The following GRXCR1 variants were observed in gnomAD, a reference collection of about 807,000 sequenced individuals.
GRXCR1 encodes the protein glutaredoxin and cysteine rich domain containing 1.
GRXCR1 carries 27 observed loss-of-function variants against 27.3 expected under a neutral mutation model. That is an observed-to-expected ratio of 0.99 (90% CI 0.73 to 1.37). The LOEUF (loss-of-function observed/expected upper bound fraction) is 1.37, where lower values mean the gene tolerates loss of function less well. GRXCR1 is among the 40% of genes most tolerant of loss of function. The probability of loss-of-function intolerance (pLI) is 0.00; values close to 1 mark genes in which losing one functional copy is unlikely to be tolerated. For synonymous variants in GRXCR1, 122 were observed against 131.1 expected (o/e 0.93, Z 0.47); for missense variants, 379 against 354.4 (o/e 1.07, Z -0.56).
At chr4:43,019,315 A>C (rs1459893010) in intron 2 of GRXCR1, among the ~76,000 whole-genome samples, 1 of 152,230 alleles carries the variant, frequency 6.6e-6, no homozygotes, top group African/African-American at 2.4e-5. Context: ...AAATGTATAT[A>C]GTAACCTCCA....
At chr4:42,920,874 A>G (rs1390403245) in intron 1 of GRXCR1, among the ~76,000 whole-genome samples, 1 of 151,992 alleles carries the variant, frequency 6.6e-6, no homozygotes, top group Non-Finnish European at 1.5e-5. Context: ...TAGTAAGTAG[A>G]GTCCAGTACA....
chr4:42,934,401 C>CCA (rs146711554), intron 1 of GRXCR1, among the ~76,000 whole-genome samples: 4 of 151,306 alleles, frequency 2.6e-5, no homozygotes, highest in Non-Finnish European at 3.0e-5. Context: ...TGCCTCTGCA[C>CCA]CACACACACA....
intron 2 of GRXCR1, among the ~76,000 whole-genome samples, chr4:42,980,786 AAT>A (rs1748644703): frequency 6.6e-6 from 1 of 152,078 alleles, no homozygotes; most frequent in African/African-American, 2.4e-5. Flanking sequence ...CAAATCTATT[AAT>A]ATTTGCTTAT....
At chr4:42,984,413 C>T (rs931166369) in intron 2 of GRXCR1, among the ~76,000 whole-genome samples, 1 of 152,168 alleles carries the variant, frequency 6.6e-6, no homozygotes, top group Non-Finnish European at 1.5e-5. Flanking sequence ...GTCACTGGCA[C>T]TTTATTTTGT....
At chr4:42,991,116 G>A (rs1015992233) in intron 2 of GRXCR1, among the ~76,000 whole-genome samples, 1 of 152,010 alleles carries the variant, frequency 6.6e-6, no homozygotes, top group African/African-American at 2.4e-5. Context: ...CGTTGTAAAT[G>A]AATACTCAGA....
chr4:42,912,341 G>C (rs1487594921), intron 1 of GRXCR1, among the ~76,000 whole-genome samples: 1 of 152,100 alleles, frequency 6.6e-6, no homozygotes, highest in Non-Finnish European at 1.5e-5. Flanking sequence ...AGGACCTGAA[G>C]ATAATCAGGT....
chr4:43,023,563 A>G (rs573423584), intron 3 of GRXCR1, among the ~76,000 whole-genome samples: 1 of 152,354 alleles, frequency 6.6e-6, no homozygotes, highest in Admixed American at 6.5e-5. Flanking sequence ...GATAGCTTCT[A>G]TGGAGATCTG....
intron 2 of GRXCR1, among the ~76,000 whole-genome samples, chr4:42,987,246 A>T (rs1711787425): frequency 2.3e-5 from 2 of 86,520 alleles, no homozygotes; most frequent in African/African-American, 9.3e-5. Flanking sequence ...TATATAATAT[A>T]TAATATATAT....
At chr4:42,985,991 T>A (rs550602554) in intron 2 of GRXCR1, among the ~76,000 whole-genome samples, 1 of 152,332 alleles carries the variant, frequency 6.6e-6, no homozygotes, top group Non-Finnish European at 1.5e-5. Context: ...TATATATGAT[T>A]ACAACTGAGC....
At chr4:42,913,499 T>G (rs1300283778) in intron 1 of GRXCR1, among the ~76,000 whole-genome samples, 1 of 152,238 alleles carries the variant, frequency 6.6e-6, no homozygotes, top group Non-Finnish European at 1.5e-5. Flanking sequence ...AGAGAAATGA[T>G]TTAGATTTAG....
At chr4:42,969,561 A>G (rs1748333455) in intron 2 of GRXCR1, among the ~76,000 whole-genome samples, 1 of 152,066 alleles carries the variant, frequency 6.6e-6, no homozygotes, top group South Asian at 2.1e-4. Flanking sequence ...CGGGAGAGAG[A>G]GGGATCGAGA....
intron 2 of GRXCR1, among the ~76,000 whole-genome samples, chr4:42,973,606 T>C (rs1401429786): frequency 6.6e-6 from 1 of 152,164 alleles, no homozygotes; most frequent in Admixed American, 6.6e-5. Flanking sequence ...TCCACCTACT[T>C]TCTCTTGCCT....
At chr4:43,008,443 C>A (rs961425364) in intron 2 of GRXCR1, among the ~76,000 whole-genome samples, 1 of 152,166 alleles carries the variant, frequency 6.6e-6, no homozygotes, top group African/African-American at 2.4e-5. Context: ...GTGGCACAAG[C>A]AAAATCCTGG....
intron 1 of GRXCR1, among the ~76,000 whole-genome samples, chr4:42,955,733 G>A (rs1426209727): frequency 6.6e-6 from 1 of 152,092 alleles, no homozygotes; most frequent in Non-Finnish European, 1.5e-5. Context: ...AATTGCTTAA[G>A]GTCTGAATTC....
At chr4:42,996,575 C>A (rs1265298952) in intron 2 of GRXCR1, among the ~76,000 whole-genome samples, 1 of 151,824 alleles carries the variant, frequency 6.6e-6, no homozygotes, top group Non-Finnish European at 1.5e-5. Flanking sequence ...TTATGTAATT[C>A]TAGTAAAACA....
At chr4:42,951,247 G>A (rs1166139020) in intron 1 of GRXCR1, among the ~76,000 whole-genome samples, 3 of 152,130 alleles carry the variant, frequency 2.0e-5, no homozygotes, top group Non-Finnish European at 2.9e-5. Flanking sequence ...CAGATGGTAC[G>A]TTGACCACCT....
At chr4:43,006,872 CG>C (rs1712576577) in intron 2 of GRXCR1, among the ~76,000 whole-genome samples, 2 of 152,170 alleles carry the variant, frequency 1.3e-5, no homozygotes, top group Non-Finnish European at 2.9e-5. Context: ...ATGTCTCCCC[CG>C]GACACCCAGC....
chr4:42,992,062 T>C (rs1463373461), intron 2 of GRXCR1, among the ~76,000 whole-genome samples: 2 of 152,162 alleles, frequency 1.3e-5, no homozygotes, highest in Non-Finnish European at 2.9e-5. Flanking sequence ...TTAATCCTTT[T>C]CCAATTTTTA....
intron 1 of GRXCR1, among the ~76,000 whole-genome samples, chr4:42,937,388 C>G (rs28814436): frequency 0.023 from 3,523 of 151,638 alleles, 146 homozygotes; most frequent in African/African-American, 0.081. Context: ...CTTCAAGGAG[C>G]TCTGGTTCGT....
Sources: allele counts gnomAD v4.1 joint callset (sites outside exome capture counted in the v4.1 genomes callset), GRCh38; gene constraint gnomAD v4.1.1; transcripts MANE v1.5; gene names NCBI Gene and HGNC (gene_info 2026-07-23, HGNC 2026-07-21).